The following PDE1C variants were observed in gnomAD, a reference collection of about 807,000 sequenced individuals.
PDE1C encodes the protein phosphodiesterase 1C.
In PDE1C, 62 loss-of-function variants were observed where a neutral mutation model predicts 93.1. That is an observed-to-expected ratio of 0.67 (90% CI 0.54 to 0.82). PDE1C has a LOEUF of 0.82. PDE1C is among the 40% of genes least tolerant of loss of function. PDE1C has a pLI of 0.00. For missense variants in PDE1C, 742 were observed against 884.6 expected, an observed-to-expected ratio of 0.84 and a Z score of 2.04; for synonymous variants, 325 against 310.1, an observed-to-expected ratio of 1.05 and a Z score of -0.50.
chr7:32,105,833 T>A (rs73100652), intron 3 of PDE1C, among the ~76,000 whole-genome samples: 1 of 151,394 alleles, frequency 6.6e-6, no homozygotes, highest in Non-Finnish European at 1.5e-5. Flanking sequence ...GTCTGGAAAA[T>A]TTTTTTCTTA....
the PDE1C span, among the ~76,000 whole-genome samples, chr7:31,744,750 C>T: frequency 2.6e-5 from 4 of 152,146 alleles, no homozygotes; most frequent in African/African-American, 9.7e-5. Flanking sequence ...CAACATCTCC[C>T]AAGGCATTTT....
intron 1 of PDE1C, among the ~76,000 whole-genome samples, chr7:32,402,228 G>T (rs692322): frequency 6.6e-6 from 1 of 151,976 alleles, no homozygotes; most frequent in African/African-American, 2.4e-5. Flanking sequence ...AACAGAACCA[G>T]TAGGATACAC....
intron 3 of PDE1C, among the ~76,000 whole-genome samples, chr7:32,085,121 A>C (rs956579142): frequency 6.6e-6 from 1 of 151,154 alleles, no homozygotes; most frequent in Non-Finnish European, 1.5e-5. Flanking sequence ...CTAATAAAGA[A>C]AAAAAGAGAG....
intron 1 of PDE1C, among the ~76,000 whole-genome samples, chr7:32,309,851 A>C (rs1476345609): frequency 6.6e-6 from 1 of 152,156 alleles, no homozygotes; most frequent in African/African-American, 2.4e-5. Flanking sequence ...CTAACAAGCA[A>C]AATAACCAGC....
intron 2 of PDE1C, among the ~76,000 whole-genome samples, chr7:31,944,271 A>G (rs577216793): frequency 1.3e-5 from 2 of 152,124 alleles, no homozygotes; most frequent in Non-Finnish European, 2.9e-5. Context: ...TAGAGCACTC[A>G]CCTGGGCCAA....
chr7:31,884,985 C>G (rs149196574), intron 2 of PDE1C, among the ~76,000 whole-genome samples: 2 of 152,254 alleles, frequency 1.3e-5, no homozygotes, highest in East Asian at 3.9e-4. Context: ...AACTGCTCTT[C>G]TTTGTTTTCC....
intron 16 of PDE1C, among the ~76,000 whole-genome samples, chr7:31,805,834 C>G (rs1413818567): frequency 6.6e-6 from 1 of 151,872 alleles, no homozygotes; most frequent in Non-Finnish European, 1.5e-5. Context: ...GCCTGGAAGT[C>G]CTCTCAAGGC....
At chr7:32,105,320 A>G (rs1798243439) in intron 3 of PDE1C, among the ~76,000 whole-genome samples, 1 of 152,206 alleles carries the variant, frequency 6.6e-6, no homozygotes, top group South Asian at 2.1e-4. Context: ...CAAAGAGATG[A>G]GTAATAACTG....
chr7:32,081,816 T>A (rs1440566814), intron 3 of PDE1C, among the ~76,000 whole-genome samples: 3 of 152,210 alleles, frequency 2.0e-5, no homozygotes, highest in African/African-American at 7.2e-5. Flanking sequence ...CCTCAGGAGA[T>A]TTATTTAATA....
chr7:31,894,141 T>C (rs569283198), intron 2 of PDE1C, among the ~76,000 whole-genome samples: 13 of 152,356 alleles, frequency 8.5e-5, no homozygotes, highest in East Asian at 3.9e-4. Flanking sequence ...AAGGGAATCA[T>C]AGAATGTTCA....
intron 3 of PDE1C, among the ~76,000 whole-genome samples, chr7:32,109,906 C>A (rs1198866633): frequency 1.3e-5 from 2 of 152,084 alleles, no homozygotes; most frequent in Non-Finnish European, 2.9e-5. Flanking sequence ...AAACAAAGAA[C>A]TCACTTGGTC....
rs528659035 is a variant in PDE1C at position 31,785,624 on chromosome 7, C to T, written c.1892-9892G>A. 4.6e-5 allele frequency: 7 copies of T among 152,296 alleles called. No homozygotes were observed. In the East Asian group the frequency reaches 1.4e-3, roughly 29 times the overall value. The allele number at this position is 152,296 out of a possible 1,614,324, so 9.4% of individuals were successfully genotyped here. ...AGCTATTTCAGTGGCACAATTCTTG[C>T]TTAATTCAGACATTCCTGGAGAAGC... On this transcript the variant is annotated intron_variant, in intron 16 of 17. Coordinates refer to ENST00000396191, the MANE Select transcript of PDE1C (RefSeq NM_001191057.4).
intron 1 of PDE1C, among the ~76,000 whole-genome samples, chr7:32,246,947 A>C (rs967245309): frequency 1.3e-5 from 2 of 152,256 alleles, no homozygotes; most frequent in Non-Finnish European, 2.9e-5. Flanking sequence ...CTGAAGGGAT[A>C]AATAAAATAC....
chr7:32,034,957 T>C (rs1311107892), intron 2 of PDE1C, among the ~76,000 whole-genome samples: 2 of 152,188 alleles, frequency 1.3e-5, no homozygotes, highest in Non-Finnish European at 2.9e-5. Context: ...TTATCATGCA[T>C]CTTCAAGTAA....
intron 2 of PDE1C, among the ~76,000 whole-genome samples, chr7:31,885,258 C>G (rs1222817917): frequency 6.6e-6 from 1 of 152,160 alleles, no homozygotes; most frequent in African/African-American, 2.4e-5. Flanking sequence ...GATTTCTCTT[C>G]TGAGAGAATG....
intron 2 of PDE1C, among the ~76,000 whole-genome samples, chr7:31,965,921 C>G (rs576070685): frequency 2.6e-4 from 39 of 152,258 alleles, no homozygotes; most frequent in African/African-American, 8.7e-4. Context: ...GAGATTTGGT[C>G]ACCACCAGGC....
At chr7:31,842,959 T>G (rs1792104899) in intron 9 of PDE1C, among the ~76,000 whole-genome samples, 1 of 151,972 alleles carries the variant, frequency 6.6e-6, no homozygotes, top group South Asian at 2.1e-4. Flanking sequence ...TTTGAAATGT[T>G]TCCTACTTTC....
chr7:32,238,412 A>G (rs989939055), intron 1 of PDE1C, among the ~76,000 whole-genome samples: 6 of 152,232 alleles, frequency 3.9e-5, no homozygotes, highest in Admixed American at 6.5e-5. Context: ...GTTCTCTCCA[A>G]ATAAAGTTAT....
chr7:31,851,722 A>G (rs1355857808), intron 7 of PDE1C, among the ~76,000 whole-genome samples: 1 of 152,246 alleles, frequency 6.6e-6, no homozygotes. Flanking sequence ...ATGTAATTAA[A>G]TATGACACAA....
Sources: allele counts gnomAD v4.1 joint callset (sites outside exome capture counted in the v4.1 genomes callset), GRCh38; gene constraint gnomAD v4.1.1; transcripts MANE v1.5; gene names NCBI Gene and HGNC (gene_info 2026-07-23, HGNC 2026-07-21).